Variants in UGT2B17 observed in about 807,000 individuals in gnomAD.
UGT2B17 encodes the protein UDP glucuronosyltransferase family 2 member B17, also known as UDP-glucuronosyltransferase 2B17.
A neutral mutation model predicts 48.2 loss-of-function variants in UGT2B17; 21 were observed. The observed-to-expected ratio is 0.44, with a 90% CI of 0.31 to 0.63. UGT2B17 has a LOEUF of 0.63. Among genes scored for constraint, UGT2B17 ranks in the 20% least tolerant of loss-of-function variants. The pLI, the probability that UGT2B17 is intolerant of heterozygous loss-of-function variation, is 0.08. For missense variants in UGT2B17, 402 were observed against 696.1 expected (o/e 0.58, Z 4.75); for synonymous variants, 146 against 238.4 (o/e 0.61, Z 3.57).
chr4:68,571,085 A>G lies in UGT2B17; in HGVS notation c.-64-2537T>C. ...ACCGGTTTTATTAGTAAAAATTTCT[A>G]AAACAGCTTGTAACCATATGATTCG... On this transcript the variant is annotated intron_variant, in intron 1 of 6. Transcript: ENST00000317746. 1.6e-5 allele frequency among the ~76,000 whole-genome samples: 2 copies of G among 126,098 alleles called. 1 individual carries two copies. The highest frequency in any genetic ancestry group is 3.4e-5 in the Non-Finnish European group (2 of 59,554). 82.7% of individuals were successfully genotyped at this position (126,098 alleles called of 152,430 possible).
At position 68,557,967 on chromosome 4, in the gene UGT2B17, G is replaced by A. The variant is rs1159331293; in HGVS notation, c.1005+2570C>T. On this transcript the variant is annotated intron_variant, in intron 4 of 6. Coordinates refer to ENST00000317746, the MANE Select transcript of UGT2B17 (RefSeq NM_001077.4). ...AGTTTATTTTGGAACCCCAAGAGGAGAGGAATTCACCCAACTCATAGGTAT... is the reference window on the plus strand; with the variant it reads ...AGTTTATTTTGGAACCCCAAGAGGAAAGGAATTCACCCAACTCATAGGTAT... Among the ~76,000 whole-genome samples, 13 of 124,890 alleles carry A rather than the reference G, an allele frequency of 1.0e-4. 4 individuals are homozygous for A. Among genetic ancestry groups the A allele is most frequent in the East Asian group, 7.7e-4 (1 of 1,296 alleles). 81.9% of individuals were successfully genotyped at this position (124,890 alleles called of 152,430 possible).
chr4:68,556,215 T>C (rs1730997502), intron 4 of UGT2B17, among the ~76,000 whole-genome samples: 1 of 125,020 alleles, frequency 8.0e-6, no homozygotes, highest in Non-Finnish European at 1.7e-5. Flanking sequence ...AATAATTGGT[T>C]AGAACAATAA....
intron 4 of UGT2B17, 151 bp from the exon 5 acceptor site, chr4:68,552,062 C>T (rs1317440335): frequency 2.1e-6 from 1 of 485,334 alleles, no homozygotes. Context: ...TACTAAAAGT[C>T]TGAGGTAAGC....
intron 3 of UGT2B17, among the ~76,000 whole-genome samples, chr4:68,563,017 T>C (rs1181939062): frequency 7.9e-6 from 1 of 126,658 alleles, no homozygotes; most frequent in Non-Finnish European, 1.7e-5. Flanking sequence ...ATTTGAATTA[T>C]TTCCAGAGTT....
In UGT2B17 at chr4:68,575,656, C is replaced by G. The variant is rs1160407305; in HGVS notation, c.-65+295G>C. On this transcript the variant is annotated intron_variant, in intron 1 of 6. Coordinates refer to ENST00000317746, the MANE Select transcript of UGT2B17 (RefSeq NM_001077.4). ...ATTTCAGTTTACACCAAACCAAAAT[C>G]AAAACCAAAATCAGAGTATCCAGAA... is the stretch of plus-strand genomic sequence containing the variant. Among the ~76,000 whole-genome samples, 4 of 125,938 alleles carry G rather than the reference C, an allele frequency of 3.2e-5. 1 individual carries two copies. Among genetic ancestry groups the G allele is most frequent in the Middle Eastern group, 7.4e-3 (2 of 272 alleles). The allele number at this position is 125,938 out of a possible 152,430, so 82.6% of individuals were successfully genotyped here. A position where few individuals can be genotyped will look rare whatever the true frequency, so the allele number is the denominator to read the frequency against.
At chr4:68,551,677 A>G in intron 5 of UGT2B17, 147 bp downstream of exon 5, 2 of 544,994 alleles carry the variant, frequency 3.7e-6, no homozygotes, top group Non-Finnish European at 2.7e-6. Context: ...TTATACTAAG[A>G]CTAGAAAATA....
In UGT2B17 at chr4:68,539,024, C is replaced by G. The variant is rs568807195; in HGVS notation, c.1314-1120G>C. Among the ~76,000 whole-genome samples, 52 of 125,964 alleles carry G rather than the reference C, an allele frequency of 4.1e-4. 10 individuals are homozygous for G. The highest frequency in any genetic ancestry group is 6.9e-4 in the Non-Finnish European group (41 of 59,590). The allele number at this position is 125,964 out of a possible 152,430, so 82.6% of individuals were successfully genotyped here. ...CACTATAGGCACCCATAGGATTTCT[C>G]TACTGCTTCGTTCTTATTTTGCTAT... On this transcript the variant is annotated intron_variant, in intron 6 of 6. Coordinates refer to ENST00000317746, the MANE Select transcript of UGT2B17 (RefSeq NM_001077.4).
chr4:68,548,098 T>C (rs1730851805), intron 6 of UGT2B17, among the ~76,000 whole-genome samples: 1 of 127,194 alleles, frequency 7.9e-6, no homozygotes, highest in African/African-American at 2.7e-5. Flanking sequence ...GGGTTATAAA[T>C]CATGCTTCTA....
In UGT2B17 at chr4:68,559,912, A is replaced by G. The variant is rs1325337203; in HGVS notation, c.1005+625T>C. ...ACATTAGCGGCACCCAAGCCAGCAG[A>G]GCAGACAAGTTTTTCTTTTTCTCTA... On this transcript the variant is annotated intron_variant, in intron 4 of 6. Transcript: ENST00000317746. 4.8e-5 allele frequency among the ~76,000 whole-genome samples: 6 copies of G among 124,924 alleles called. 1 individual carries two copies. Among genetic ancestry groups the G allele is most frequent in the African/African-American group, 8.3e-5 (3 of 36,178 alleles). The allele number at this position is 124,924 out of a possible 152,430, so 82.0% of individuals were successfully genotyped here.
intron 4 of UGT2B17, among the ~76,000 whole-genome samples, chr4:68,555,228 A>G (rs73823671): frequency 0.04 from 5,045 of 125,902 alleles, 1,168 homozygotes; most frequent in African/African-American, 0.12. Context: ...TAAGGTGTCA[A>G]AATTTGACAT....
rs1351502505 is a variant in UGT2B17 at position 68,568,105 on chromosome 4, A to G, written c.380T>C (p.Leu127Pro). 2.2e-6 allele frequency: 3 copies of G among 1,382,008 alleles called. 1 individual carries two copies. Among genetic ancestry groups the G allele is most frequent in the Non-Finnish European group, 2.8e-6 (3 of 1,055,324 alleles). 85.6% of individuals were successfully genotyped at this position (1,382,008 alleles called of 1,614,324 possible). The change falls in exon 2 of 7, where the codon CTC (leucine) becomes CCC (proline). Residue 127 changes from leucine to proline, a missense_variant. Physicochemically the swap from Leu to Pro is moderately conservative, Grantham distance 98. Transcript: ENST00000317746. The stretch of plus-strand genomic sequence containing the variant: ...CTTGTTCAAAACTGCATCTTCACAG[A>G]GCTTTATATTATAGTCAGAATATTC... ...CWEYSDYNIK[L>P]CEDAVLNKKL...
At chr4:68,553,322 T>A (rs1168942364) in intron 4 of UGT2B17, among the ~76,000 whole-genome samples, 7 of 126,542 alleles carry the variant, frequency 5.5e-5, no homozygotes, top group Admixed American at 2.4e-4. Context: ...TTGCTTCCTG[T>A]CTTTAAAAAA....
At chr4:68,553,587 A>G (rs1238021153) in intron 4 of UGT2B17, among the ~76,000 whole-genome samples, 1 of 125,222 alleles carries the variant, frequency 8.0e-6, no homozygotes, top group Non-Finnish European at 1.7e-5. Flanking sequence ...CTTCGAGATT[A>G]CCACAGATTA....
At chr4:68,566,073 T>G (rs1428293906) in intron 2 of UGT2B17, among the ~76,000 whole-genome samples, 1 of 118,982 alleles carries the variant, frequency 8.4e-6, no homozygotes, top group Non-Finnish European at 1.7e-5. Flanking sequence ...ATTTTATTAA[T>G]AAAACATTAA....
chr4:68,574,946 TC>T lies in UGT2B17; in HGVS notation c.-65+1004del, dbSNP rs751181341. On this transcript the variant is annotated intron_variant, in intron 1 of 6. Coordinates refer to ENST00000317746, the MANE Select transcript of UGT2B17 (RefSeq NM_001077.4). ...CTCTTTTTACATAAATTTTACCTCC[TC>T]CCCCCCCTTTTTTTTTTGAAGATAA... 8.2e-4 allele frequency among the ~76,000 whole-genome samples: 56 copies of T among 68,536 alleles called. 6 individuals are homozygous for T. Among genetic ancestry groups the T allele is most frequent in the Admixed American group, 2.1e-3 (15 of 7,236 alleles). 45.0% of individuals were successfully genotyped at this position (68,536 alleles called of 152,430 possible).
At chr4:68,552,252 C>T (rs114169203) in intron 4 of UGT2B17, among the ~76,000 whole-genome samples, 2,610 of 126,156 alleles carry the variant, frequency 0.021, 612 homozygotes, top group East Asian at 0.061. Flanking sequence ...CCATTCTATT[C>T]AAAGTCAGCC....
At chr4:68,559,834 C>T (rs1295122595) in intron 4 of UGT2B17, among the ~76,000 whole-genome samples, 2 of 125,712 alleles carry the variant, frequency 1.6e-5, no homozygotes, top group African/African-American at 5.5e-5. Flanking sequence ...ACATAGTCTA[C>T]CCTAAAAGCA....
Position 68,564,297 on chromosome 4 carries a change from T to A in UGT2B17, c.873+1275A>T, listed in dbSNP as rs1389013804. Among the ~76,000 whole-genome samples, 6 of 112,310 alleles carry A rather than the reference T, an allele frequency of 5.3e-5. 1 individual carries two copies. The highest frequency in any genetic ancestry group is 1.9e-4 in the African/African-American group (6 of 31,546). 73.7% of individuals were successfully genotyped at this position (112,310 alleles called of 152,430 possible). ...TCATATATATATATATATATATATT[T>A]TTTTTTTTTGAGACAGAGTCTCACT... On this transcript the variant is annotated intron_variant, in intron 3 of 6. Transcript: ENST00000317746.
In UGT2B17 at chr4:68,537,465, A is replaced by G; in HGVS notation, c.*160T>C. ...GACATAGAATAATTCCAACTAAAGT[A>G]CATATTAAATTCCTGGAAAATAAAT... On this transcript the variant is annotated 3_prime_UTR_variant, in exon 7 of 7. Transcript: ENST00000317746. 1.7e-6 allele frequency: 1 copy of G among 584,986 alleles called. No individual in the cohort carries two copies. The highest frequency in any genetic ancestry group is 1.9e-5 in the African/African-American group (1 of 51,378). 36.2% of individuals were successfully genotyped at this position (584,986 alleles called of 1,614,324 possible). A position where few individuals can be genotyped will look rare whatever the true frequency, so the allele number is the denominator to read the frequency against.
Sources: gnomAD v4.1 joint callset for allele counts (sites outside exome capture counted in the v4.1 genomes callset) on GRCh38, gnomAD v4.1.1 for gene constraint, MANE v1.5 for transcripts, NCBI Gene and HGNC (gene_info 2026-07-23, HGNC 2026-07-21) for gene names.